The following PLXDC2 variants were observed in gnomAD, a reference collection of about 807,000 sequenced individuals.
PLXDC2 encodes the protein plexin domain containing 2.
PLXDC2 carries 40 observed loss-of-function variants against 68.9 expected under a neutral mutation model. That is an observed-to-expected ratio of 0.58 (90% CI 0.45 to 0.76). The LOEUF (loss-of-function observed/expected upper bound fraction) is 0.76, where lower values mean the gene tolerates loss of function less well. PLXDC2 is among the 30% of genes least tolerant of loss of function. PLXDC2 has a pLI of 0.00. For missense variants in PLXDC2, 644 were observed against 661.9 expected, an observed-to-expected ratio of 0.97 and a Z score of 0.30; for synonymous variants, 243 against 234.2, an observed-to-expected ratio of 1.04 and a Z score of -0.34.
intron 1 of PLXDC2, among the ~76,000 whole-genome samples, chr10:19,898,442 G>T (rs115239677): frequency 1.3e-5 from 2 of 152,084 alleles, no homozygotes; most frequent in Non-Finnish European, 2.9e-5. Context: ...AGGTCTTATT[G>T]TACACATATG....
chr10:20,011,846 T>C (rs1448747232), intron 2 of PLXDC2, among the ~76,000 whole-genome samples: 2 of 152,252 alleles, frequency 1.3e-5, no homozygotes. Context: ...CGTGAACTTA[T>C]GTACAAAGAC....
Position 19,972,088 on chromosome 10 carries a change from G to A in PLXDC2, c.113-29687G>A, listed in dbSNP as rs144723399. On this transcript the variant is annotated intron_variant, in intron 1 of 13. Transcript: ENST00000377252. ...TGAAGGGTGAGTTGAGATATCATTT[G>A]AAATGGACTTGAAGATCAGACTAAG... is the stretch of plus-strand genomic sequence containing the variant. Among the ~76,000 whole-genome samples the A allele has an allele frequency of 4.6e-5, 7 of 152,258 alleles. No homozygotes were observed. The East Asian group carries it at 1.4e-3, about 29-fold the overall frequency.
chr10:20,122,044 G>A, intron 4 of PLXDC2, among the ~76,000 whole-genome samples: 1 of 151,862 alleles, frequency 6.6e-6, no homozygotes, highest in East Asian at 1.9e-4. Flanking sequence ...ACGCAAAGGA[G>A]GCTTTGGATT....
At chr10:19,899,858 C>T (rs1323066804) in intron 1 of PLXDC2, among the ~76,000 whole-genome samples, 1 of 152,068 alleles carries the variant, frequency 6.6e-6, no homozygotes, top group Non-Finnish European at 1.5e-5. Flanking sequence ...ATCTGGCTCA[C>T]CTGTTCTAAT....
At chr10:20,117,094 T>TA (rs1208999081) in intron 4 of PLXDC2, among the ~76,000 whole-genome samples, 1 of 151,318 alleles carries the variant, frequency 6.6e-6, no homozygotes, top group Non-Finnish European at 1.5e-5. Flanking sequence ...TTGTAGAATA[T>TA]AAAATCAATA....
chr10:20,051,784 A>C (rs1418453154), intron 3 of PLXDC2, among the ~76,000 whole-genome samples: 7 of 151,914 alleles, frequency 4.6e-5, no homozygotes, highest in Non-Finnish European at 1.5e-5. Flanking sequence ...CATGCCACTA[A>C]TCCAGGGACC....
At chr10:20,129,229 G>C (rs1171622801) in intron 4 of PLXDC2, among the ~76,000 whole-genome samples, 2 of 152,054 alleles carry the variant, frequency 1.3e-5, no homozygotes, top group Admixed American at 6.6e-5. Context: ...TTAATTATTA[G>C]TGATGCTGAG....
In PLXDC2 at chr10:20,093,583, A is replaced by AT. The variant is rs757982728; in HGVS notation, c.541+25353dup. Reference sequence around the variant, plus strand: ...TTCAGTTAAGGAAATAAAGAACAATATTTTTTTTTCCAGAAAAAGTTAGTT... The same window carrying AT: ...TTCAGTTAAGGAAATAAAGAACAATATTTTTTTTTTCCAGAAAAAGTTAGTT... On this transcript the variant is annotated intron_variant, in intron 4 of 13. Transcript: ENST00000377252. Among the ~76,000 whole-genome samples, 48 of 151,884 alleles carry AT rather than the reference A, an allele frequency of 3.2e-4. No individual in the cohort carries two copies. In the East Asian group the frequency reaches 7.7e-3, roughly 24 times the overall value.
chr10:20,136,364 A>G (rs1392663583), intron 4 of PLXDC2, among the ~76,000 whole-genome samples: 1 of 152,220 alleles, frequency 6.6e-6, no homozygotes, highest in Non-Finnish European at 1.5e-5. Flanking sequence ...AAGTATTTGT[A>G]TTAAAGAAGG....
chr10:20,038,199 G>A (rs776189173), intron 2 of PLXDC2, among the ~76,000 whole-genome samples: 19 of 151,772 alleles, frequency 1.3e-4, no homozygotes, highest in Admixed American at 1.3e-4. Context: ...TCACGCCACC[G>A]CATTCCAGCC....
intron 1 of PLXDC2, among the ~76,000 whole-genome samples, chr10:19,850,804 C>T (rs542576031): frequency 3.9e-4 from 59 of 152,228 alleles, no homozygotes; most frequent in East Asian, 1.9e-4. Context: ...AATGGCAACC[C>T]CAGACCTGGA....
At chr10:20,029,901 C>T (rs1835470417) in intron 2 of PLXDC2, among the ~76,000 whole-genome samples, 1 of 152,162 alleles carries the variant, frequency 6.6e-6, no homozygotes, top group Non-Finnish European at 1.5e-5. Context: ...AGCTACCTGA[C>T]ATTAAGTGAG....
At chr10:19,976,830 T>A (rs1452824057) in intron 1 of PLXDC2, among the ~76,000 whole-genome samples, 1 of 152,058 alleles carries the variant, frequency 6.6e-6, no homozygotes, top group Non-Finnish European at 1.5e-5. Context: ...CTTTTATTTT[T>A]TTTTTCATTT....
chr10:20,248,722 A>T (rs1362820584), intron 13 of PLXDC2, among the ~76,000 whole-genome samples: 1 of 152,200 alleles, frequency 6.6e-6, no homozygotes, highest in African/African-American at 2.4e-5. Flanking sequence ...ATCAAAACAG[A>T]TCCACAATGA....
intron 1 of PLXDC2, among the ~76,000 whole-genome samples, chr10:19,984,794 A>G (rs1834608352): frequency 6.6e-6 from 1 of 152,136 alleles, no homozygotes; most frequent in South Asian, 2.1e-4. Flanking sequence ...TGAAGCGTGT[A>G]GGTTTGAGGA....
intron 4 of PLXDC2, among the ~76,000 whole-genome samples, chr10:20,139,750 AG>A (rs1833976767): frequency 6.6e-6 from 1 of 151,710 alleles, no homozygotes; most frequent in Admixed American, 6.6e-5. Context: ...AAACTAATAC[AG>A]GAACAGAAAA....
intron 1 of PLXDC2, among the ~76,000 whole-genome samples, chr10:19,992,113 G>A (rs903940076): frequency 2.0e-5 from 3 of 152,150 alleles, no homozygotes; most frequent in Non-Finnish European, 4.4e-5. Context: ...CATAGCACAT[G>A]AATTTCCACA....
intron 1 of PLXDC2, among the ~76,000 whole-genome samples, chr10:19,872,158 ACCATTAG>A (rs1282600036): frequency 6.6e-6 from 1 of 152,204 alleles, no homozygotes; most frequent in African/African-American, 2.4e-5. Flanking sequence ...AATTTCAGGG[ACCATTAG>A]CCATGAAATA....
chr10:19,923,732 G>A (rs566165762), intron 1 of PLXDC2, among the ~76,000 whole-genome samples: 3 of 152,268 alleles, frequency 2.0e-5, no homozygotes, highest in Middle Eastern at 3.4e-3. Context: ...ATAAAATAAA[G>A]TTAATAATCT....
Sources: gnomAD v4.1 joint callset for allele counts (sites outside exome capture counted in the v4.1 genomes callset) on GRCh38, gnomAD v4.1.1 for gene constraint, MANE v1.5 for transcripts, NCBI Gene and HGNC (gene_info 2026-07-23, HGNC 2026-07-21) for gene names.